The following KIAA0825 variants were observed in gnomAD, a reference collection of about 807,000 sequenced individuals.
KIAA0825 encodes the protein uncharacterized protein KIAA0825.
In KIAA0825, 119 loss-of-function variants were observed where a neutral mutation model predicts 147.6. That is an observed-to-expected ratio of 0.81 (90% CI 0.69 to 0.94). The LOEUF is 0.94. Ranked by LOEUF, KIAA0825 falls within the 40% of genes least tolerant of loss-of-function variation. The pLI is 0.00. For synonymous variants in KIAA0825, 470 were observed against 518.1 expected, an observed-to-expected ratio of 0.91 and a Z score of 1.26; for missense variants, 1,381 against 1,472.7, an observed-to-expected ratio of 0.94 and a Z score of 1.02.
At chr5:94,418,595 C>A (rs1753779754) in intron 14 of KIAA0825, among the ~76,000 whole-genome samples, 1 of 151,740 alleles carries the variant, frequency 6.6e-6, no homozygotes, top group Non-Finnish European at 1.5e-5. Context: ...GTGACTGGTT[C>A]AGGAATGGGC....
At chr5:94,233,970 T>C (rs931352039) in intron 20 of KIAA0825, among the ~76,000 whole-genome samples, 1 of 152,228 alleles carries the variant, frequency 6.6e-6, no homozygotes, top group Admixed American at 6.5e-5. Flanking sequence ...CATCAAGCAA[T>C]TTTATTGACA....
intron 20 of KIAA0825, among the ~76,000 whole-genome samples, chr5:94,214,471 G>A (rs1383808094): frequency 1.3e-5 from 2 of 152,036 alleles, no homozygotes; most frequent in Non-Finnish European, 2.9e-5. Context: ...CCTGATGGTA[G>A]CATCACCCTT....
chr5:94,388,561 A>G (rs926165535), intron 18 of KIAA0825, among the ~76,000 whole-genome samples: 3 of 152,216 alleles, frequency 2.0e-5, no homozygotes, highest in African/African-American at 7.2e-5. Context: ...GTTTTTATTG[A>G]CAAAAAAGCT....
intron 20 of KIAA0825, among the ~76,000 whole-genome samples, chr5:94,281,548 T>C (rs1777465113): frequency 6.6e-6 from 1 of 152,052 alleles, no homozygotes; most frequent in South Asian, 2.1e-4. Flanking sequence ...CTAGGATTGG[T>C]AGAGTTAGCT....
chr5:94,522,238 C>CGG (rs928640548), intron 4 of KIAA0825, among the ~76,000 whole-genome samples: 1 of 151,672 alleles, frequency 6.6e-6, no homozygotes, highest in Non-Finnish European at 1.5e-5. Context: ...TCTTCATCCA[C>CGG]ATTCTTTCTG....
At chr5:94,275,289 T>C (rs555314419) in intron 20 of KIAA0825, among the ~76,000 whole-genome samples, 5 of 152,212 alleles carry the variant, frequency 3.3e-5, no homozygotes, top group Non-Finnish European at 7.4e-5. Flanking sequence ...ACTGCAGGAA[T>C]TGGGAAAGCC....
chr5:94,306,556 C>T (rs1778749423), intron 20 of KIAA0825, among the ~76,000 whole-genome samples: 1 of 151,650 alleles, frequency 6.6e-6, no homozygotes, highest in South Asian at 2.1e-4. Context: ...GGAATCCTGA[C>T]CAGATAGGTA....
intron 2 of KIAA0825, among the ~76,000 whole-genome samples, chr5:94,564,092 C>T (rs1187966317): frequency 1.3e-5 from 2 of 152,112 alleles, no homozygotes; most frequent in East Asian, 3.9e-4. Flanking sequence ...GACACTAGTT[C>T]CGCTTTCTTT....
At chr5:94,451,557 G>A (rs774399495) in intron 13 of KIAA0825, among the ~76,000 whole-genome samples, 1 of 152,178 alleles carries the variant, frequency 6.6e-6, no homozygotes, top group Non-Finnish European at 1.5e-5. Flanking sequence ...AATGGAGATT[G>A]ATTGCTAAAC....
intron 20 of KIAA0825, among the ~76,000 whole-genome samples, chr5:94,157,772 T>C (rs1767172019): frequency 6.6e-6 from 1 of 152,212 alleles, no homozygotes; most frequent in African/African-American, 2.4e-5. Context: ...ATCAGTTTTA[T>C]AGAATCTTAT....
In KIAA0825 at chr5:94,573,270, G is replaced by GTTT. The variant is rs534638768; in HGVS notation, c.-2+9160_-2+9162dup. Reference sequence around the variant, plus strand: ...ATGGAGACCAAGGTTCTTTTTAAGTGTTTTTTTTTTTTTTTTTTGAGAGGG... The same window carrying GTTT: ...ATGGAGACCAAGGTTCTTTTTAAGTGTTTTTTTTTTTTTTTTTTTTTGAGAGGG... On this transcript the variant is annotated intron_variant, in intron 2 of 20. Transcript: ENST00000682413. Among the ~76,000 whole-genome samples the GTTT allele has an allele frequency of 4.9e-4, 61 of 124,884 alleles. 2 individuals carry two copies. Among genetic ancestry groups the GTTT allele is most frequent in the East Asian group, 1.2e-3 (5 of 4,298 alleles). The allele number at this position is 124,884 out of a possible 152,430, so 81.9% of individuals were successfully genotyped here. A position where few individuals can be genotyped will look rare whatever the true frequency, so the allele number is the denominator to read the frequency against.
rs1285798626 is a variant in KIAA0825, at chr5:94,153,818, A to AT, written c.*188dup. On this transcript the variant is annotated 3_prime_UTR_variant, in exon 21 of 21. Transcript: ENST00000682413. ...TGGGGAAAGAAAAACATTTGAAATT[A>AT]TTTTTAAAATAAAAAAATATGTAGC... 3 of 425,522 alleles carry AT rather than the reference A, an allele frequency of 7.1e-6. No homozygotes were observed. The highest frequency in any genetic ancestry group is 8.3e-6 in the Non-Finnish European group (2 of 240,160). The allele number at this position is 425,522 out of a possible 1,614,324, so 26.4% of individuals were successfully genotyped here.
intron 19 of KIAA0825, 44 bp from the exon 20 acceptor site, chr5:94,384,502 C>T: frequency 7.0e-7 from 1 of 1,438,636 alleles, no homozygotes. Context: ...AGTTATTAAT[C>T]AGAGTTAATA....
At chr5:94,402,946 CTT>C (rs2150621514) in intron 16 of KIAA0825, among the ~76,000 whole-genome samples, 1 of 152,084 alleles carries the variant, frequency 6.6e-6, no homozygotes, top group African/African-American at 2.4e-5. Context: ...GAAGAGAGGA[CTT>C]GACTAATAAA....
intron 13 of KIAA0825, among the ~76,000 whole-genome samples, chr5:94,448,960 T>C (rs960021603): frequency 2.0e-5 from 3 of 152,174 alleles, no homozygotes; most frequent in African/African-American, 7.2e-5. Context: ...ATAAATCACA[T>C]GGATCATGTC....
chr5:94,420,396 A>C (rs1754028686), intron 14 of KIAA0825, among the ~76,000 whole-genome samples: 1 of 152,176 alleles, frequency 6.6e-6, no homozygotes, highest in Admixed American at 6.5e-5. Context: ...TCTGAATTAC[A>C]CTACAATCCC....
intron 20 of KIAA0825, among the ~76,000 whole-genome samples, chr5:94,273,314 A>T (rs1254966207): frequency 6.6e-6 from 1 of 152,198 alleles, no homozygotes; most frequent in South Asian, 2.1e-4. Flanking sequence ...ATTTATTAAT[A>T]TTAGCTCATA....
chr5:94,207,336 A>C (rs1772300011), intron 20 of KIAA0825, among the ~76,000 whole-genome samples: 3 of 152,186 alleles, frequency 2.0e-5, no homozygotes, highest in Admixed American at 6.5e-5. Context: ...GTAAGTTTAC[A>C]TATCACCTTC....
chr5:94,476,543 CAGAG>C (rs886675071), intron 7 of KIAA0825, among the ~76,000 whole-genome samples: 48 of 152,102 alleles, frequency 3.2e-4, no homozygotes, highest in Non-Finnish European at 6.8e-4. Context: ...TTCCTTAAGA[CAGAG>C]AGAGGAGAAG....
Sources: gnomAD v4.1 joint callset for allele counts (sites outside exome capture counted in the v4.1 genomes callset) on GRCh38, gnomAD v4.1.1 for gene constraint, MANE v1.5 for transcripts, NCBI Gene and HGNC (gene_info 2026-07-23, HGNC 2026-07-21) for gene names.